The following BCAS3 variants were observed in gnomAD, a reference collection of about 807,000 sequenced individuals.
The protein encoded by BCAS3 is BCAS4/BCAS3 fusion.
BCAS3 carries 53 observed loss-of-function variants against 116.1 expected under a neutral mutation model. The ratio of observed to expected loss-of-function variants is 0.46; its 90% CI spans 0.37 to 0.57. BCAS3 has a LOEUF of 0.57. BCAS3 is among the 20% of genes least tolerant of loss of function. The pLI is 0.00. For missense variants in BCAS3, 917 were observed against 1,165.4 expected, an observed-to-expected ratio of 0.79 and a Z score of 3.10; for synonymous variants, 391 against 408.2, an observed-to-expected ratio of 0.96 and a Z score of 0.51.
chr17:60,678,654 T>C (rs993275229), intron 1 of BCAS3, among the ~76,000 whole-genome samples: 19 of 152,220 alleles, frequency 1.2e-4, no homozygotes, highest in Non-Finnish European at 1.5e-5. Context: ...TTATTTGTTA[T>C]AGTAGCAGGG....
intron 7 of BCAS3, among the ~76,000 whole-genome samples, chr17:60,815,409 G>T (rs578183981): frequency 6.6e-6 from 1 of 151,772 alleles, no homozygotes; most frequent in Non-Finnish European, 1.5e-5. Context: ...AAGCCTGCAC[G>T]TTGTGCACAT....
chr17:61,237,079 T>C (rs1462315772), intron 22 of BCAS3, among the ~76,000 whole-genome samples: 1 of 152,180 alleles, frequency 6.6e-6, no homozygotes, highest in Non-Finnish European at 1.5e-5. Context: ...AGTTAACATG[T>C]ATTGAAAGGT....
chr17:61,277,262 CAAAAAA>C (rs58849968), intron 22 of BCAS3, among the ~76,000 whole-genome samples: 7 of 101,746 alleles, frequency 6.9e-5, no homozygotes, highest in Non-Finnish European at 9.3e-5. Context: ...GACCCTGTAT[CAAAAAA>C]AAAAAAAAAA....
intron 12 of BCAS3, among the ~76,000 whole-genome samples, chr17:60,915,575 T>C (rs748022208): frequency 2.1e-5 from 3 of 143,454 alleles, no homozygotes; most frequent in African/African-American, 3.0e-5. Context: ...GACAACGTTA[T>C]GCAAATTGAA....
At chr17:60,704,182 G>A (rs952731168) in intron 4 of BCAS3, among the ~76,000 whole-genome samples, 1 of 150,556 alleles carries the variant, frequency 6.6e-6, no homozygotes, top group Non-Finnish European at 1.5e-5. Flanking sequence ...AAATCATTGA[G>A]GAGAAAGGTT....
chr17:60,901,673 TGAA>T (rs1210550262), intron 10 of BCAS3, among the ~76,000 whole-genome samples: 1 of 152,202 alleles, frequency 6.6e-6, no homozygotes, highest in African/African-American at 2.4e-5. Flanking sequence ...ATGTCAGTGA[TGAA>T]GAAAATTTTG....
rs373457133 is a variant in BCAS3, at chr17:61,355,561, G to A, written c.2426-12766G>A. On this transcript the variant is annotated intron_variant, in intron 22 of 23. Coordinates refer to ENST00000407086, the MANE Select transcript of BCAS3 (RefSeq NM_017679.5). This position sits in a 1 kb window ranked among gnomAD's most constrained non-coding sequence, Gnocchi z 4.2. ...TGAACCTAGGATCCTAATCCTGACT[G>A]TACCCTTGACCTTGTCATCTTAAGC... Among the ~76,000 whole-genome samples, 1 of 152,116 alleles carries A rather than the reference G, an allele frequency of 6.6e-6. No homozygotes were observed. The highest frequency in any genetic ancestry group is 2.4e-5 in the African/African-American group (1 of 41,418).
intron 15 of BCAS3, among the ~76,000 whole-genome samples, chr17:61,005,528 T>C (rs1025523840): frequency 6.6e-6 from 1 of 152,142 alleles, no homozygotes; most frequent in Non-Finnish European, 1.5e-5. Flanking sequence ...TGTTACAATC[T>C]GTTGCTCTTT....
intron 7 of BCAS3, among the ~76,000 whole-genome samples, chr17:60,827,820 G>T (rs2050570397): frequency 6.6e-6 from 1 of 152,096 alleles, no homozygotes; most frequent in African/African-American, 2.4e-5. Flanking sequence ...TTGTAATGAG[G>T]TTTTTTTGGG....
intron 22 of BCAS3, among the ~76,000 whole-genome samples, chr17:61,164,172 A>G (rs1186837600): frequency 1.3e-5 from 2 of 150,968 alleles, no homozygotes; most frequent in Non-Finnish European, 2.9e-5. Context: ...TAAAAATACT[A>G]TGGAATCATG....
rs1457940366 is a variant in BCAS3, at chr17:60,956,092, C to A, written c.1221+8740C>A. Among the ~76,000 whole-genome samples, 1 of 152,172 alleles carries A rather than the reference C, an allele frequency of 6.6e-6. No individual in the cohort carries two copies. The highest frequency in any genetic ancestry group is 6.6e-5 in the Admixed American group (1 of 15,264). On this transcript the variant is annotated intron_variant, in intron 14 of 23. Coordinates refer to ENST00000407086, the MANE Select transcript of BCAS3 (RefSeq NM_017679.5). The surrounding 1 kb of genome is among the most constrained non-coding windows in gnomAD (Gnocchi z 4.2). ...GCCATTCTGCATTGAACTTTCAATTCATTCCTTTATTTACCTATCATTTTG... is the reference window on the plus strand; with the variant it reads ...GCCATTCTGCATTGAACTTTCAATTAATTCCTTTATTTACCTATCATTTTG...
intron 6 of BCAS3, among the ~76,000 whole-genome samples, chr17:60,793,239 G>C (rs1287451508): frequency 6.6e-6 from 1 of 152,070 alleles, no homozygotes; most frequent in Non-Finnish European, 1.5e-5. Context: ...TGGGATTACA[G>C]GCACCTGCCA....
In BCAS3 at chr17:61,248,925, C is replaced by T. The variant is rs1443336483; in HGVS notation, c.2426-119402C>T. ...TTCTTCTTTGCTCTTAAAGATAAGA[C>T]GTTGTTTAGATGAATATATATTCTT... On this transcript the variant is annotated intron_variant, in intron 22 of 23. Coordinates refer to ENST00000407086, the MANE Select transcript of BCAS3 (RefSeq NM_017679.5). This position sits in a 1 kb window ranked among gnomAD's most constrained non-coding sequence, Gnocchi z 4.3. 6.6e-6 allele frequency among the ~76,000 whole-genome samples: 1 copy of T among 152,094 alleles called. No homozygotes were observed. The highest frequency in any genetic ancestry group is 1.9e-4 in the East Asian group (1 of 5,204).
intron 7 of BCAS3, among the ~76,000 whole-genome samples, chr17:60,827,674 C>G (rs887820021): frequency 6.6e-6 from 1 of 152,130 alleles, no homozygotes; most frequent in Non-Finnish European, 1.5e-5. Flanking sequence ...ACATTCCAAT[C>G]AAGATAATGA....
chr17:60,711,199 G>A (rs951555742), intron 5 of BCAS3, among the ~76,000 whole-genome samples: 14 of 150,414 alleles, frequency 9.3e-5, no homozygotes, highest in Non-Finnish European at 7.4e-5. Context: ...TAGAAGAATC[G>A]TGCTGGTATG....
intron 22 of BCAS3, among the ~76,000 whole-genome samples, chr17:61,353,194 C>T (rs2057954078): frequency 6.6e-6 from 1 of 152,182 alleles, no homozygotes; most frequent in South Asian, 2.1e-4. Flanking sequence ...CTCCCTGGGC[C>T]TCCATTTCCT....
chr17:61,166,594 C>T (rs1321980733), intron 22 of BCAS3, among the ~76,000 whole-genome samples: 1 of 152,054 alleles, frequency 6.6e-6, no homozygotes, highest in Non-Finnish European at 1.5e-5. Flanking sequence ...CACGGGGTTT[C>T]ACCATGCTGG....
In BCAS3 at chr17:61,367,784, C is replaced by T. The variant is rs1165472876; in HGVS notation, c.2426-543C>T. On this transcript the variant is annotated intron_variant, in intron 22 of 23. Coordinates refer to ENST00000407086, the MANE Select transcript of BCAS3 (RefSeq NM_017679.5). The surrounding 1 kb of genome is among the most constrained non-coding windows in gnomAD (Gnocchi z 6.2). ...TTAAAAACATTAGGCTATATAACCCCTTCTTTAAATGAAAATTTATTTATT... is the reference window on the plus strand; with the variant it reads ...TTAAAAACATTAGGCTATATAACCCTTTCTTTAAATGAAAATTTATTTATT... The T allele has an allele frequency of 1.3e-5, 2 of 152,068 alleles. No individual in the cohort carries two copies. The highest frequency in any genetic ancestry group is 2.9e-5 in the Non-Finnish European group (2 of 68,020). 9.4% of individuals were successfully genotyped at this position (152,068 alleles called of 1,614,324 possible).
intron 23 of BCAS3, among the ~76,000 whole-genome samples, chr17:61,385,751 G>C (rs1484695318): frequency 6.6e-6 from 1 of 152,272 alleles, no homozygotes; most frequent in Non-Finnish European, 1.5e-5. Flanking sequence ...TGGGAGAGCT[G>C]AGAGGTGGAT....
Sources: allele counts gnomAD v4.1 joint callset (sites outside exome capture counted in the v4.1 genomes callset), GRCh38; gene constraint gnomAD v4.1.1; non-coding constraint Gnocchi (gnomAD v3.1); transcripts MANE v1.5; gene names NCBI Gene and HGNC (gene_info 2026-07-23, HGNC 2026-07-21).